The following MTUS2 variants were observed in gnomAD, a reference collection of about 807,000 sequenced individuals.
MTUS2 encodes microtubule associated scaffold protein 2.
A neutral mutation model predicts 114.1 loss-of-function variants in MTUS2; 40 were observed. That is an observed-to-expected ratio of 0.35 (90% CI 0.27 to 0.46). The LOEUF (loss-of-function observed/expected upper bound fraction) is 0.46. Ranked by LOEUF, MTUS2 falls within the 20% of genes least tolerant of loss-of-function variation. The probability of loss-of-function intolerance (pLI) is 1.00; values close to 1 mark genes in which losing one functional copy is unlikely to be tolerated. For missense variants in MTUS2, 1,679 were observed against 1,705.4 expected, an observed-to-expected ratio of 0.98 and a Z score of 0.27; for synonymous variants, 688 against 672.0, an observed-to-expected ratio of 1.02 and a Z score of -0.37.
At chr13:29,068,207 T>G (rs972955140) in intron 4 of MTUS2, among the ~76,000 whole-genome samples, 1 of 152,232 alleles carries the variant, frequency 6.6e-6, no homozygotes, top group Non-Finnish European at 1.5e-5. Flanking sequence ...TGATATTTAG[T>G]ATATATCACA....
Position 29,112,783 on chromosome 13 carries a change from G to A in MTUS2, c.2644+11813G>A, listed in dbSNP as rs138855000. Among the ~76,000 whole-genome samples, 936 of 152,216 alleles carry A rather than the reference G, an allele frequency of 6.1e-3. 10 individuals are homozygous for A. The highest frequency in any genetic ancestry group is 0.021 in the African/African-American group (875 of 41,540). ...ATGAAGACAGAAACAAAGGCATAAGGGATGAGTGCTGAGAAATTTTGGACA... is the reference window on the plus strand; with the variant it reads ...ATGAAGACAGAAACAAAGGCATAAGAGATGAGTGCTGAGAAATTTTGGACA... On this transcript the variant is annotated intron_variant, in intron 5 of 15. Coordinates refer to ENST00000612955, the MANE Select transcript of MTUS2 (RefSeq NM_001033602.4).
intron 5 of MTUS2, among the ~76,000 whole-genome samples, chr13:29,114,386 G>A (rs970192029): frequency 6.6e-6 from 1 of 152,130 alleles, no homozygotes; most frequent in Non-Finnish European, 1.5e-5. Context: ...GTTCATAGAA[G>A]ATGGAATAAA....
At chr13:29,109,972 A>G (rs1430299912) in intron 5 of MTUS2, among the ~76,000 whole-genome samples, 4 of 152,232 alleles carry the variant, frequency 2.6e-5, no homozygotes, top group Non-Finnish European at 4.4e-5. Context: ...GAGACATGAA[A>G]GTGGAGGTTG....
At chr13:28,928,370 A>G (rs1006433659) in intron 2 of MTUS2, among the ~76,000 whole-genome samples, 2 of 152,216 alleles carry the variant, frequency 1.3e-5, no homozygotes, top group Non-Finnish European at 2.9e-5. Context: ...CAAGGGATTA[A>G]TAACCAGAAT....
intron 4 of MTUS2, among the ~76,000 whole-genome samples, chr13:29,090,461 C>T (rs186251178): frequency 3.1e-4 from 47 of 152,156 alleles, no homozygotes; most frequent in Admixed American, 5.9e-4. Flanking sequence ...GGGCTGCAGG[C>T]GAGCCCACAC....
chr13:28,846,063 T>A (rs970648152), intron 2 of MTUS2, among the ~76,000 whole-genome samples: 8 of 148,926 alleles, frequency 5.4e-5, no homozygotes, highest in African/African-American at 2.0e-4. Flanking sequence ...AAAATATATA[T>A]ATATATATAT....
intron 8 of MTUS2, among the ~76,000 whole-genome samples, chr13:29,430,922 G>T (rs958072698): frequency 6.6e-6 from 1 of 152,132 alleles, no homozygotes; most frequent in Non-Finnish European, 1.5e-5. Context: ...TTTAAAAGAG[G>T]CCTGGTAAAA....
chr13:29,031,934 A>T (rs569087074), intron 3 of MTUS2, among the ~76,000 whole-genome samples: 1 of 152,212 alleles, frequency 6.6e-6, no homozygotes, highest in African/African-American at 2.4e-5. Flanking sequence ...GTATTTGTTC[A>T]TATGCCTTGA....
intron 2 of MTUS2, among the ~76,000 whole-genome samples, chr13:28,949,107 T>C (rs1470878605): frequency 6.6e-6 from 1 of 152,232 alleles, no homozygotes; most frequent in Non-Finnish European, 1.5e-5. Context: ...GAAACTTGTT[T>C]TTCAATCTTT....
At position 29,026,060 on chromosome 13, in the gene MTUS2, G is replaced by A; in HGVS notation, c.1362G>A (p.Glu454=). 6.2e-7 allele frequency: 1 copy of A among 1,613,994 alleles called. No homozygotes were observed. The highest frequency in any genetic ancestry group is 1.1e-5 in the South Asian group (1 of 91,086). The change falls in exon 3 of 16, where the codon GAG becomes GAA. Residue 454 remains glutamate, a synonymous_variant. Coordinates refer to ENST00000612955, the MANE Select transcript of MTUS2 (RefSeq NM_001033602.4). ...ACAGCAAGCCCTTGGATGTCATTGA[G>A]GAGGAAAGGCGGTTGGGCAGTGGGA... The part of the protein sequence containing the change: ...LTDSKPLDVI[E]EERRLGSGNK...
rs1883823018 is a variant in MTUS2 at position 28,970,858 on chromosome 13, C to T, written c.-242-53599C>T. Reference sequence around the variant, plus strand: ...CCAGAGCATGCACATTGTCAGTGACCAGAGGAGACGCCGCACTCAGGGTTA... The same window carrying T: ...CCAGAGCATGCACATTGTCAGTGACTAGAGGAGACGCCGCACTCAGGGTTA... On this transcript the variant is annotated intron_variant, in intron 2 of 15. Coordinates refer to ENST00000612955, the MANE Select transcript of MTUS2 (RefSeq NM_001033602.4). 2.0e-5 allele frequency among the ~76,000 whole-genome samples: 3 copies of T among 152,258 alleles called. No homozygotes were observed. The South Asian group carries it at 6.2e-4, about 32-fold the overall frequency.
chr13:29,210,303 G>A (rs867967979), intron 5 of MTUS2, among the ~76,000 whole-genome samples: 1 of 151,894 alleles, frequency 6.6e-6, no homozygotes, highest in Admixed American at 6.6e-5. Flanking sequence ...TTTATGCTAT[G>A]TATTTCTCTG....
chr13:29,012,790 C>T (rs948632554), intron 2 of MTUS2, among the ~76,000 whole-genome samples: 1 of 152,026 alleles, frequency 6.6e-6, no homozygotes, highest in Admixed American at 6.6e-5. Flanking sequence ...AGGAGAATGG[C>T]GTGAACCCGG....
Position 29,281,760 on chromosome 13 carries a change from G to A in MTUS2, c.2701G>A (p.Asp901Asn). The stretch of plus-strand genomic sequence containing the variant: ...TCTGAAGGCATCTCTGCCTTCTAAG[G>A]ACACACCCAAGGGGGCCGGCCGGGT... Reference protein sequence around the residue: ...PVLKASLPSKDTPKGAGRVAP... With the variant: ...PVLKASLPSKNTPKGAGRVAP... The change falls in exon 6 of 16, where the codon GAC becomes AAC. Residue 901 changes from aspartate (D) to asparagine (N), a missense_variant. Coordinates refer to ENST00000612955, the MANE Select transcript of MTUS2 (RefSeq NM_001033602.4). 6.2e-7 allele frequency: 1 copy of A among 1,612,160 alleles called. No individual in the cohort carries two copies. The highest frequency in any genetic ancestry group is 8.5e-7 in the Non-Finnish European group (1 of 1,178,444).
At chr13:29,334,184 TG>T (rs1900936274) in intron 7 of MTUS2, among the ~76,000 whole-genome samples, 1 of 152,218 alleles carries the variant, frequency 6.6e-6, no homozygotes, top group African/African-American at 2.4e-5. Context: ...GTCTTTTAAC[TG>T]GGGCATTTAG....
At chr13:28,881,640 GTTTT>G (rs200812668) in intron 2 of MTUS2, among the ~76,000 whole-genome samples, 1 of 151,820 alleles carries the variant, frequency 6.6e-6, no homozygotes, top group African/African-American at 2.4e-5. Context: ...AATATCTGCT[GTTTT>G]TTTTATCTTT....
Position 28,907,493 on chromosome 13 carries a change from G to A in MTUS2, c.-243+67643G>A, listed in dbSNP as rs1017111420. On this transcript the variant is annotated intron_variant, in intron 2 of 15. Transcript: ENST00000612955. ...AAGAGTCAAGACCCATCAGTGTGCT[G>A]TATTCAGGAAACCCATCTCACGTGC... Among the ~76,000 whole-genome samples, 3 of 151,472 alleles carry A rather than the reference G, an allele frequency of 2.0e-5. No homozygotes were observed. In the South Asian group the frequency reaches 6.3e-4, roughly 32 times the overall value.
At chr13:29,491,512 G>A (rs1341077410) in intron 11 of MTUS2, among the ~76,000 whole-genome samples, 1 of 139,984 alleles carries the variant, frequency 7.1e-6, no homozygotes, top group African/African-American at 2.7e-5. Flanking sequence ...GTGGGGGTGT[G>A]GGAGGCATGA....
intron 7 of MTUS2, among the ~76,000 whole-genome samples, chr13:29,355,663 G>A (rs1199350312): frequency 6.6e-6 from 1 of 152,220 alleles, no homozygotes; most frequent in Non-Finnish European, 1.5e-5. Context: ...CTGAATAGAA[G>A]GTGTCAAATG....
Sources: allele counts gnomAD v4.1 joint callset (sites outside exome capture counted in the v4.1 genomes callset), GRCh38; gene constraint gnomAD v4.1.1; transcripts MANE v1.5; gene names NCBI Gene and HGNC (gene_info 2026-07-23, HGNC 2026-07-21).